APBA3: variants seen among roughly 807,000 people sequenced by gnomAD.
APBA3 encodes the protein amyloid beta precursor protein binding family A member 3.
APBA3 carries 45 observed loss-of-function variants against 55.9 expected under a neutral mutation model. The observed-to-expected ratio is 0.80, with a 90% CI of 0.63 to 1.03. The LOEUF is 1.03. APBA3 is among the 50% of genes least tolerant of loss of function. The pLI is 0.00. For missense variants in APBA3, 865 were observed against 820.3 expected, an observed-to-expected ratio of 1.05 and a Z score of -0.67; for synonymous variants, 370 against 353.3, an observed-to-expected ratio of 1.05 and a Z score of -0.53.
chr19:3,753,571 G>T (rs1166274585), intron 6 of APBA3, 194 bp downstream of exon 6: 1 of 563,442 alleles, frequency 1.8e-6, no homozygotes, highest in African/African-American at 1.9e-5. Context: ...GCTTGAGCCT[G>T]GAAGGTTGAG....
intron 3 of APBA3, among the ~76,000 whole-genome samples, chr19:3,759,002 G>A (rs1036841202): frequency 1.3e-5 from 2 of 152,150 alleles, no homozygotes; most frequent in East Asian, 1.9e-4. Flanking sequence ...CAGGCAGATC[G>A]CTTGAGCTCA....
chr19:3,753,132 T>G (rs2037031404), intron 6 of APBA3, 142 bp from the exon 7 acceptor site: 2 of 952,160 alleles, frequency 2.1e-6, no homozygotes, highest in Non-Finnish European at 3.0e-6. Flanking sequence ...CCTGGGGCTT[T>G]GGGGGAGGTG....
In APBA3 at chr19:3,752,500, A is replaced by T; in HGVS notation, c.1395+8T>A. The T allele has an allele frequency of 6.4e-7, 1 of 1,562,828 alleles. No homozygotes were observed. Among genetic ancestry groups the T allele is most frequent in the East Asian group, 2.3e-5 (1 of 43,088 alleles). Reference sequence around the variant, plus strand: ...AGTGTGGGGGCCCTGCCACACCAGGAAACTCACGCGGACAGCGGCCTGGCA... The same window carrying T: ...AGTGTGGGGGCCCTGCCACACCAGGTAACTCACGCGGACAGCGGCCTGGCA... On this transcript the variant is annotated splice_region_variant and intron_variant, in intron 8 of 10. Transcript: ENST00000316757.
chr19:3,759,911 G>C lies in APBA3; in HGVS notation c.354C>G (p.Cys118Trp), dbSNP rs759206668. The C allele has an allele frequency of 6.2e-7, 1 of 1,611,536 alleles. No homozygotes were observed. The highest frequency in any genetic ancestry group is 8.5e-7 in the Non-Finnish European group (1 of 1,179,454). ...CAGTCTGGGAAGGCGGGCATTCCTC[G>C]CAGTGCAAGAGGCCCAGCAGGTCAT... ...GRDDLLGLLH[C>W]EECPPSQTGP... Residue 118 changes from cysteine to tryptophan, a missense_variant, in exon 2 of 11, where the codon TGC becomes TGG. Physicochemically the swap from Cys to Trp is radical, Grantham distance 215. Coordinates refer to ENST00000316757, the MANE Select transcript of APBA3 (RefSeq NM_004886.4).
chr19:3,760,398 C>T (rs2037130914), intron 1 of APBA3, 97 bp from the exon 2 acceptor site: 3 of 745,480 alleles, frequency 4.0e-6, no homozygotes, highest in South Asian at 4.0e-5. Context: ...GCTGACTGAA[C>T]CCAGGAGTTC....
At position 3,759,567 on chromosome 19, in the gene APBA3, G is replaced by A. The variant is rs200666451; in HGVS notation, c.610C>T (p.Gln204Ter). 1.5e-5 allele frequency: 24 copies of A among 1,598,484 alleles called. No homozygotes were observed. In the Admixed American group the frequency reaches 2.3e-4, roughly 15 times the overall value. Residue 204 changes from glutamine to a stop codon, truncating the protein, a stop_gained, in exon 3 of 11, where the codon CAG (glutamine) becomes TAG (stop). Transcript: ENST00000316757. LOFTEE classifies it high-confidence loss of function. ...PETLASYPAP[Q>*]EVPGPCDHED... ...GGGTGGGCGGGACACTCACCCTCCTGGGGGGCAGGGTAGGAAGCCAGGGTC... is the reference window on the plus strand; with the variant it reads ...GGGTGGGCGGGACACTCACCCTCCTAGGGGGCAGGGTAGGAAGCCAGGGTC...
intron 8 of APBA3, 36 bp downstream of exon 8, chr19:3,752,471 TG>T: frequency 6.6e-7 from 1 of 1,521,266 alleles, no homozygotes. Context: ...CTCCCCTTCC[TG>T]GGAGTGTGGG....
At chr19:3,758,691 A>G (rs2037107936) in intron 3 of APBA3, among the ~76,000 whole-genome samples, 1 of 152,068 alleles carries the variant, frequency 6.6e-6, no homozygotes, top group Non-Finnish European at 1.5e-5. Flanking sequence ...CAGCCTGGCC[A>G]ACACAGTGAA....
rs768060396 is a variant in APBA3, at chr19:3,760,005, G to T, written c.260C>A (p.Thr87Lys). Residue 87 changes from threonine (T) to lysine (K), a missense_variant, in exon 2 of 11, where the codon ACA (threonine) becomes AAA (lysine). Physicochemically the swap from Thr to Lys is moderately conservative, Grantham distance 78. Transcript: ENST00000316757. Reference sequence around the variant, plus strand: ...CTCCTGGGAGGCCAGGCCATGGCCTGTGGCAATGTGTAGGGGACAGGGGGC... The same window carrying T: ...CTCCTGGGAGGCCAGGCCATGGCCTTTGGCAATGTGTAGGGGACAGGGGGC... ...GGAPCPLHIA[T>K]GHGLASQEIA... 2 of 1,612,020 alleles carry T rather than the reference G, an allele frequency of 1.2e-6. No homozygotes were observed. The highest frequency in any genetic ancestry group is 3.4e-5 in the Admixed American group (2 of 59,582).
At chr19:3,761,209 G>A (rs2037142785) in intron 1 of APBA3, among the ~76,000 whole-genome samples, 1 of 152,020 alleles carries the variant, frequency 6.6e-6, no homozygotes, top group South Asian at 2.1e-4. Flanking sequence ...CGGAACCCAG[G>A]CTGGAGACCC....
chr19:3,758,489 G>A lies in APBA3; in HGVS notation c.616+1072C>T, dbSNP rs532752990. Among the ~76,000 whole-genome samples the A allele has an allele frequency of 3.3e-3, 499 of 152,076 alleles. 4 individuals carry two copies. The highest frequency in any genetic ancestry group is 5.2e-3 in the Non-Finnish European group (354 of 67,980). Reference sequence around the variant, plus strand: ...TGCCCAGGCTGGTCTCCAACTCCCGGCTCAAGCGATCCTCCTGCCTCAGCC... The same window carrying A: ...TGCCCAGGCTGGTCTCCAACTCCCGACTCAAGCGATCCTCCTGCCTCAGCC... On this transcript the variant is annotated intron_variant, in intron 3 of 10. Coordinates refer to ENST00000316757, the MANE Select transcript of APBA3 (RefSeq NM_004886.4).
At chr19:3,760,773 G>C (rs1274336746) in intron 1 of APBA3, among the ~76,000 whole-genome samples, 2 of 151,616 alleles carry the variant, frequency 1.3e-5, no homozygotes, top group East Asian at 3.9e-4. Context: ...ACTAGCTAGG[G>C]GTGGTGGTGT....
At position 3,760,077 on chromosome 19, in the gene APBA3, T is replaced by C. The variant is rs759724529; in HGVS notation, c.188A>G (p.Gln63Arg). ...DESSLQELVQ[Q>R]FEALPGDLVG... ...CAGATCGCCTGGCAGAGCTTCAAAC[T>C]GCTGCACCAGCTCCTGAAGGCTTGA... Residue 63 changes from glutamine to arginine, a missense_variant, in exon 2 of 11, where the codon CAG becomes CGG. By Grantham distance (43) the Gln-to-Arg change is conservative. Transcript: ENST00000316757. 6.2e-7 allele frequency: 1 copy of C among 1,613,346 alleles called. No individual in the cohort carries two copies. The highest frequency in any genetic ancestry group is 8.5e-7 in the Non-Finnish European group (1 of 1,180,030).
intron 3 of APBA3, chr19:3,756,461 AAGGTGAG>A (rs1675480454): frequency 6.6e-6 from 1 of 152,260 alleles, no homozygotes; most frequent in South Asian, 2.1e-4. Context: ...CCTGGGCAAC[AAGGTGAG>A]ACTGTGTCTC....
At position 3,750,893 on chromosome 19, in the gene APBA3, C is replaced by T; in HGVS notation, c.*133G>A. On this transcript the variant is annotated 3_prime_UTR_variant, in exon 11 of 11. Transcript: ENST00000316757. ...TCCGAGACTTTGCCAAATGCATAAG[C>T]TTTTACTGTTTTTATATTAGGAAAT... is the stretch of plus-strand genomic sequence containing the variant. 2 of 1,190,074 alleles carry T rather than the reference C, an allele frequency of 1.7e-6. No individual in the cohort carries two copies. The highest frequency in any genetic ancestry group is 1.9e-4 in the Middle Eastern group (1 of 5,308). 73.7% of individuals were successfully genotyped at this position (1,190,074 alleles called of 1,614,324 possible). A position where few individuals can be genotyped will look rare whatever the true frequency, so the allele number is the denominator to read the frequency against.
Position 3,754,249 on chromosome 19 carries a change from G to A in APBA3, c.708C>T (p.Asn236=), listed in dbSNP as rs2037048728. 1 of 1,547,512 alleles carries A rather than the reference G, an allele frequency of 6.5e-7. No homozygotes were observed. Among genetic ancestry groups the A allele is most frequent in the Non-Finnish European group, 8.7e-7 (1 of 1,146,464 alleles). Residue 236 remains asparagine (N), a synonymous_variant, in exon 4 of 11, where the codon AAC becomes AAT. Transcript: ENST00000316757. ...GGGCCATGCGCGTGCTGGTGGGCGG[G>A]TTCCGTTCCGACACCAGCTGGGTGG... ...LGSTQLVSER[N]PPTSTRMAQA...
chr19:3,757,229 G>C (rs1369767913), intron 3 of APBA3, among the ~76,000 whole-genome samples: 4 of 151,946 alleles, frequency 2.6e-5, no homozygotes, highest in Non-Finnish European at 4.4e-5. Context: ...CTCCCAAGTA[G>C]CTGGGATTAT....
Position 3,751,622 on chromosome 19 carries a change from C to T in APBA3, c.1396-69G>A, listed in dbSNP as rs911501038. On this transcript the variant is annotated intron_variant, in intron 8 of 10. Coordinates refer to ENST00000316757, the MANE Select transcript of APBA3 (RefSeq NM_004886.4). The stretch of plus-strand genomic sequence containing the variant: ...CTGGCAGGTTGTAGCCCCCTCTGGG[C>T]CTCAGTTTACCCTCTCATAAACCAG... The T allele has an allele frequency of 5.4e-6, 8 of 1,492,112 alleles. No individual in the cohort carries two copies. In the Admixed American group the frequency reaches 2.0e-4, roughly 37 times the overall value. The allele number at this position is 1,492,112 out of a possible 1,614,324, so 92.4% of individuals were successfully genotyped here.
chr19:3,759,773 G>C lies in APBA3; in HGVS notation c.492C>G (p.Gly164=), dbSNP rs762714052. ...WVEGASAEQE[G]SRSSSSSPEP... is the part of the protein sequence containing the mutation. Reference sequence around the variant, plus strand: ...CCGGGGAACTGCTTGAGCTCCTGCTGCCCTCCTGCTCAGCAGAGGCCCCCT... The same window carrying C: ...CCGGGGAACTGCTTGAGCTCCTGCTCCCCTCCTGCTCAGCAGAGGCCCCCT... The change falls in exon 2 of 11, where the codon GGC becomes GGG. Residue 164 remains glycine (G), a synonymous_variant. Coordinates refer to ENST00000316757, the MANE Select transcript of APBA3 (RefSeq NM_004886.4). The C allele has an allele frequency of 3.7e-6, 6 of 1,612,720 alleles. No individual in the cohort carries two copies. The South Asian group carries it at 6.6e-5, about 18-fold the overall frequency.
Sources: allele counts gnomAD v4.1 joint callset (sites outside exome capture counted in the v4.1 genomes callset), GRCh38; gene constraint gnomAD v4.1.1; transcripts MANE v1.5; gene names NCBI Gene and HGNC (gene_info 2026-07-23, HGNC 2026-07-21).